ATRX: variants seen among roughly 807,000 people sequenced by gnomAD.
ATRX encodes the protein chromatin remodeler ATRX.
ATRX carries 12 observed loss-of-function variants against 172.6 expected under a neutral mutation model. That is an observed-to-expected ratio of 0.07 (90% CI 0.04 to 0.11). The LOEUF (loss-of-function observed/expected upper bound fraction) is 0.11, where lower values mean the gene tolerates loss of function less well. Ranked by LOEUF, ATRX falls within the 10% of genes least tolerant of loss-of-function variation. ATRX has a pLI of 1.00. For synonymous variants in ATRX, 674 were observed against 594.7 expected (o/e 1.13, Z -1.94); for missense variants, 1,368 against 1,767.4 (o/e 0.77, Z 4.05).
chrX:77,632,608 T>G (rs1356641550), intron 19 of ATRX, among the ~76,000 whole-genome samples: 1 of 112,180 alleles, frequency 8.9e-6, no homozygotes, highest in Non-Finnish European at 1.9e-5. Flanking sequence ...AAATATGATA[T>G]GACAAGATAA....
chrX:77,547,657 GA>G (rs80347029), intron 30 of ATRX, among the ~76,000 whole-genome samples: 174 of 110,545 alleles, frequency 1.6e-3, no homozygotes, highest in African/African-American at 5.3e-3. Flanking sequence ...TATTATTTAA[GA>G]AAAAAAACCC....
intron 1 of ATRX, among the ~76,000 whole-genome samples, chrX:77,780,886 G>C (rs899277466): frequency 2.9e-4 from 32 of 110,618 alleles, no homozygotes; most frequent in African/African-American, 1.0e-3. Flanking sequence ...GCTACAGTGA[G>C]CCATGTTCAG....
chrX:77,760,259 CA>C lies in ATRX; in HGVS notation c.20+25722del, dbSNP rs1226475230. Among the ~76,000 whole-genome samples the C allele has an allele frequency of 2.9e-3, 236 of 82,496 alleles. 1 individual carries two copies. Among genetic ancestry groups the C allele is most frequent in the South Asian group, 5.0e-3 (9 of 1,810 alleles). 71.6% of individuals were successfully genotyped at this position (82,496 alleles called of 115,157 possible). On this transcript the variant is annotated intron_variant, in intron 1 of 34. Coordinates refer to ENST00000373344, the MANE Select transcript of ATRX (RefSeq NM_000489.6). Reference sequence around the variant, plus strand: ...CTAAAAACAACATTGAGCAAACAAACAAAAAAAAAAAAGGCAAGTTGCAAAA... The same window carrying C: ...CTAAAAACAACATTGAGCAAACAAACAAAAAAAAAAAGGCAAGTTGCAAAA...
intron 1 of ATRX, among the ~76,000 whole-genome samples, chrX:77,753,681 T>C (rs2075382547): frequency 8.9e-6 from 1 of 112,045 alleles, no homozygotes; most frequent in Admixed American, 9.6e-5. Flanking sequence ...CTCATTGGTT[T>C]CAAAGAACTT....
rs782539861 is a variant in ATRX at position 77,676,314 on chromosome X, T to G, written c.3737-16A>C. 2 of 1,189,141 alleles carry G rather than the reference T, an allele frequency of 1.7e-6. No homozygotes were observed. On this transcript the variant is annotated splice_polypyrimidine_tract_variant and intron_variant, in intron 9 of 34. Transcript: ENST00000373344. The stretch of plus-strand genomic sequence containing the variant: ...GCTTCATCTCCTTGAGGGAAAAAAG[T>G]GTACTTAAAATTAGCTTTAAATAAG...
At chrX:77,646,583 A>G (rs1320673816) in intron 15 of ATRX, among the ~76,000 whole-genome samples, 2 of 111,657 alleles carry the variant, frequency 1.8e-5, no homozygotes, top group East Asian at 5.6e-4. Flanking sequence ...GCGTAAAACA[A>G]GTAGACAAAG....
chrX:77,661,566 G>A (rs2069908594), intron 12 of ATRX, among the ~76,000 whole-genome samples: 1 of 110,307 alleles, frequency 9.1e-6, no homozygotes, highest in Admixed American at 9.7e-5. Context: ...AGTTGGCAAA[G>A]AAGAGTTCAT....
intron 2 of ATRX, among the ~76,000 whole-genome samples, chrX:77,708,828 T>C (rs1370642905): frequency 8.9e-6 from 1 of 112,222 alleles, no homozygotes; most frequent in African/African-American, 3.2e-5. Context: ...GTGTAAATAT[T>C]CAATATACTA....
chrX:77,562,733 G>C (rs1276430767), intron 28 of ATRX, among the ~76,000 whole-genome samples: 1 of 111,233 alleles, frequency 9.0e-6, no homozygotes, highest in Admixed American at 9.6e-5. Flanking sequence ...TTTTTGTAAA[G>C]ACAGATTCTC....
At chrX:77,684,879 A>T in intron 8 of ATRX, 60 bp downstream of exon 8, 1 of 989,155 alleles carries the variant, frequency 1.0e-6, no homozygotes, top group Non-Finnish European at 1.4e-6. Flanking sequence ...ATAAATGATT[A>T]TGTAACAATT....
chrX:77,781,664 G>A (rs2076577538), intron 1 of ATRX, among the ~76,000 whole-genome samples: 1 of 111,089 alleles, frequency 9.0e-6, no homozygotes, highest in Non-Finnish European at 1.9e-5. Context: ...CTGATCATAA[G>A]ACAAGCATTA....
chrX:77,674,699 T>G (rs1352111926), intron 10 of ATRX: 5 of 110,526 alleles, frequency 4.5e-5, no homozygotes, highest in Non-Finnish European at 9.5e-5. Flanking sequence ...TATTAGCCTT[T>G]GAGTAACATC....
intron 1 of ATRX, among the ~76,000 whole-genome samples, chrX:77,754,576 T>G (rs1345705841): frequency 3.6e-5 from 4 of 111,858 alleles, no homozygotes; most frequent in Non-Finnish European, 7.5e-5. Context: ...CGTAAAGGAT[T>G]TTATTCCTCC....
At chrX:77,639,424 G>A (rs1433546210) in intron 15 of ATRX, among the ~76,000 whole-genome samples, 1 of 111,851 alleles carries the variant, frequency 8.9e-6, no homozygotes, top group African/African-American at 3.3e-5. Flanking sequence ...AGGATACAAA[G>A]TCTTAGATGA....
rs782570761 is a variant in ATRX at position 77,633,726 on chromosome X, G to T, written c.4810-14C>A. 2.5e-6 allele frequency: 3 copies of T among 1,199,348 alleles called. No individual in the cohort carries two copies. Among genetic ancestry groups the T allele is most frequent in the Admixed American group, 2.2e-5 (1 of 45,736 alleles). On this transcript the variant is annotated splice_polypyrimidine_tract_variant and intron_variant, in intron 17 of 34. Coordinates refer to ENST00000373344, the MANE Select transcript of ATRX (RefSeq NM_000489.6). ...AAAACTTACCACCTATAAGAAAACA[G>T]ATTGTCACCTTCGTTTAAATATCCA...
intron 1 of ATRX, among the ~76,000 whole-genome samples, chrX:77,764,607 AAGG>A (rs1454921476): frequency 1.5e-4 from 17 of 112,462 alleles, no homozygotes; most frequent in African/African-American, 4.8e-4. Context: ...TTTCATGTAG[AAGG>A]AGTAGAGAAA....
At chrX:77,753,110 G>A (rs1223806330) in intron 1 of ATRX, among the ~76,000 whole-genome samples, 1 of 111,181 alleles carries the variant, frequency 9.0e-6, no homozygotes, top group African/African-American at 3.3e-5. Flanking sequence ...GCTTTTTTTG[G>A]TTGGTAGGCT....
At chrX:77,778,689 C>G (rs2076450772) in intron 1 of ATRX, among the ~76,000 whole-genome samples, 1 of 107,234 alleles carries the variant, frequency 9.3e-6, no homozygotes, top group Admixed American at 1.0e-4. Context: ...CCACTGCACT[C>G]CAGCCTGGGT....
At chrX:77,652,434 A>AG in intron 14 of ATRX, 81 bp from the exon 15 acceptor site, 1 of 1,023,509 alleles carries the variant, frequency 9.8e-7, no homozygotes, top group Non-Finnish European at 1.3e-6. Flanking sequence ...TTAACACAGC[A>AG]GGAAAAGGTG....
Sources: gnomAD v4.1 joint callset for allele counts (sites outside exome capture counted in the v4.1 genomes callset) on GRCh38, gnomAD v4.1.1 for gene constraint, MANE v1.5 for transcripts, NCBI Gene and HGNC (gene_info 2026-07-23, HGNC 2026-07-21) for gene names.